The following MACROD2 variants were observed in gnomAD, a reference collection of about 807,000 sequenced individuals.
MACROD2 encodes the protein ADP-ribose glycohydrolase MACROD2.
MACROD2 carries 36 observed loss-of-function variants against 70.4 expected under a neutral mutation model. That is an observed-to-expected ratio of 0.51 (90% CI 0.39 to 0.68). The LOEUF is 0.68. Among genes scored for constraint, MACROD2 ranks in the 30% least tolerant of loss-of-function variants. The pLI, the probability that MACROD2 is intolerant of heterozygous loss-of-function variation, is 0.00. For missense variants in MACROD2, 496 were observed against 538.4 expected (o/e 0.92, Z 0.78); for synonymous variants, 172 against 178.8 (o/e 0.96, Z 0.30).
At chr20:15,819,470 TA>T (rs2030685824) in intron 8 of MACROD2, among the ~76,000 whole-genome samples, 1 of 145,426 alleles carries the variant, frequency 6.9e-6, no homozygotes, top group Non-Finnish European at 1.5e-5. Context: ...TATAAGTATA[TA>T]AATATATAGT....
At chr20:15,601,202 C>T (rs1485463665) in intron 8 of MACROD2, among the ~76,000 whole-genome samples, 4 of 152,158 alleles carry the variant, frequency 2.6e-5, no homozygotes, top group African/African-American at 9.7e-5. Context: ...GTTGTCAGCC[C>T]CCCTTATTGG....
intron 5 of MACROD2, among the ~76,000 whole-genome samples, chr20:14,715,418 A>G (rs770805219): frequency 6.6e-6 from 1 of 152,186 alleles, no homozygotes; most frequent in Non-Finnish European, 1.5e-5. Flanking sequence ...TATTGGCAAC[A>G]TTACTTAATT....
At chr20:14,562,022 A>G (rs1230074972) in intron 4 of MACROD2, among the ~76,000 whole-genome samples, 2 of 151,902 alleles carry the variant, frequency 1.3e-5, no homozygotes, top group Non-Finnish European at 2.9e-5. Context: ...AATAATCAAC[A>G]ATTTACTGAT....
chr20:14,730,451 G>A (rs771228895), intron 5 of MACROD2, among the ~76,000 whole-genome samples: 14 of 152,184 alleles, frequency 9.2e-5, no homozygotes, highest in South Asian at 2.1e-4. Flanking sequence ...CTCTCATGGC[G>A]TTAGCGAAAG....
chr20:14,728,628 C>T (rs1973614907), intron 5 of MACROD2, among the ~76,000 whole-genome samples: 1 of 152,054 alleles, frequency 6.6e-6, no homozygotes, highest in African/African-American at 2.4e-5. Flanking sequence ...AAGTTGATGC[C>T]AAGTCATGAT....
chr20:14,497,909 G>A (rs910682136), intron 4 of MACROD2, among the ~76,000 whole-genome samples: 6 of 151,776 alleles, frequency 4.0e-5, no homozygotes, highest in Admixed American at 6.5e-5. Flanking sequence ...TGCAATGCAT[G>A]CAAAGCCATT....
intron 4 of MACROD2, among the ~76,000 whole-genome samples, chr20:14,665,083 G>A (rs1314186291): frequency 2.0e-5 from 3 of 152,116 alleles, no homozygotes; most frequent in Non-Finnish European, 4.4e-5. Flanking sequence ...AAAGAACTTT[G>A]TTAGATGTCA....
chr20:15,104,215 G>A (rs2075894332), intron 5 of MACROD2, among the ~76,000 whole-genome samples: 1 of 152,074 alleles, frequency 6.6e-6, no homozygotes. Flanking sequence ...ACCTAGACAG[G>A]GACGCCACTG....
At chr20:15,112,989 T>C (rs1286720503) in intron 5 of MACROD2, among the ~76,000 whole-genome samples, 1 of 152,028 alleles carries the variant, frequency 6.6e-6, no homozygotes, top group East Asian at 1.9e-4. Flanking sequence ...TGTTTGTGTG[T>C]GTATTTATAT....
intron 5 of MACROD2, among the ~76,000 whole-genome samples, chr20:14,805,953 G>T (rs1371943636): frequency 6.6e-6 from 1 of 151,998 alleles, no homozygotes; most frequent in Non-Finnish European, 1.5e-5. Flanking sequence ...GCATCTCTTT[G>T]CTTCTGTTCC....
chr20:14,671,157 A>C (rs2070790274), intron 4 of MACROD2, among the ~76,000 whole-genome samples: 1 of 152,202 alleles, frequency 6.6e-6, no homozygotes, highest in Non-Finnish European at 1.5e-5. Flanking sequence ...GTGGGTAGGC[A>C]ACCACCAATC....
At chr20:15,328,890 A>G (rs1334977001) in intron 6 of MACROD2, among the ~76,000 whole-genome samples, 2 of 152,132 alleles carry the variant, frequency 1.3e-5, no homozygotes, top group Non-Finnish European at 2.9e-5. Flanking sequence ...AATAGTATAT[A>G]ATAGTGTGCG....
chr20:14,957,664 C>A (rs1381230646), intron 5 of MACROD2, among the ~76,000 whole-genome samples: 8 of 152,126 alleles, frequency 5.3e-5, no homozygotes, highest in Admixed American at 5.2e-4. Context: ...TGGAAATAGG[C>A]AGGAATAGCG....
rs1489819243 is a variant in MACROD2, at chr20:15,220,675, G to A, written c.419-9265G>A. Among the ~76,000 whole-genome samples, 5 of 152,296 alleles carry A rather than the reference G, an allele frequency of 3.3e-5. No individual in the cohort carries two copies. The East Asian group carries it at 9.7e-4, about 29-fold the overall frequency. On this transcript the variant is annotated intron_variant, in intron 5 of 17. Transcript: ENST00000684519. Reference sequence around the variant, plus strand: ...GAATTCAAACTCTGTTCATATAGAGGAATTTATGGATCTCATCTTTAAGGA... The same window carrying A: ...GAATTCAAACTCTGTTCATATAGAGAAATTTATGGATCTCATCTTTAAGGA...
At chr20:15,555,856 G>GAAAAAAA (rs2048163082) in intron 8 of MACROD2, among the ~76,000 whole-genome samples, 4 of 80,752 alleles carry the variant, frequency 5.0e-5, no homozygotes, top group African/African-American at 1.6e-4. Context: ...AAAAAAAAAG[G>GAAAAAAA]AAAAGAAAAG....
chr20:14,977,883 A>AT (rs750259545), intron 5 of MACROD2, among the ~76,000 whole-genome samples: 17 of 151,708 alleles, frequency 1.1e-4, no homozygotes, highest in African/African-American at 2.7e-4. Context: ...ATTCTGTTGA[A>AT]TTTTTTTTTC....
At chr20:15,181,439 GT>G (rs2076499862) in intron 5 of MACROD2, among the ~76,000 whole-genome samples, 1 of 152,172 alleles carries the variant, frequency 6.6e-6, no homozygotes, top group African/African-American at 2.4e-5. Flanking sequence ...GATTAATATT[GT>G]CATTAATGCT....
At chr20:14,482,361 C>A (rs936861798) in intron 3 of MACROD2, among the ~76,000 whole-genome samples, 1 of 151,948 alleles carries the variant, frequency 6.6e-6, no homozygotes, top group Non-Finnish European at 1.5e-5. Context: ...TCATATACTA[C>A]AGTAGTTTAA....
chr20:15,856,051 A>T (rs2064353112), intron 8 of MACROD2, among the ~76,000 whole-genome samples: 1 of 152,136 alleles, frequency 6.6e-6, no homozygotes, highest in Non-Finnish European at 1.5e-5. Flanking sequence ...TAGGAGTGAA[A>T]TTGCTAGGTT....
Sources: allele counts gnomAD v4.1 joint callset (sites outside exome capture counted in the v4.1 genomes callset), GRCh38; gene constraint gnomAD v4.1.1; transcripts MANE v1.5; gene names NCBI Gene and HGNC (gene_info 2026-07-23, HGNC 2026-07-21).